The following USP38 variants were observed in gnomAD, a reference collection of about 807,000 sequenced individuals.
The protein encoded by USP38 is ubiquitin carboxyl-terminal hydrolase 38.
In USP38, 49 loss-of-function variants were observed where a neutral mutation model predicts 94.3. The ratio of observed to expected loss-of-function variants is 0.52; its 90% CI spans 0.41 to 0.66. The LOEUF (loss-of-function observed/expected upper bound fraction) is 0.66, where lower values mean the gene tolerates loss of function less well. Ranked by LOEUF, USP38 falls within the 30% of genes least tolerant of loss-of-function variation. USP38 has a pLI of 0.00. For missense variants in USP38, 1,128 were observed against 1,229.4 expected (o/e 0.92, Z 1.23); for synonymous variants, 468 against 463.6 (o/e 1.01, Z -0.12).
At chr4:143,205,941 T>G in intron 5 of USP38, 92 bp from the exon 6 acceptor site, 1 of 932,484 alleles carries the variant, frequency 1.1e-6, no homozygotes, top group Non-Finnish European at 1.5e-6. Flanking sequence ...CAAATGTCGG[T>G]GTAAGAATCT....
At chr4:143,196,030 G>T (rs1353437575) in intron 3 of USP38, among the ~76,000 whole-genome samples, 185 bp downstream of exon 3, 6 of 152,066 alleles carry the variant, frequency 3.9e-5, no homozygotes, top group Admixed American at 2.0e-4. Flanking sequence ...ATTAGGTTGG[G>T]CATGGTTGCT....
chr4:143,216,715 A>G (rs890301382), intron 9 of USP38, among the ~76,000 whole-genome samples: 2 of 152,054 alleles, frequency 1.3e-5, no homozygotes, highest in African/African-American at 2.4e-5. Context: ...GGCTCAAGCA[A>G]TCCTCCCTCC....
chr4:143,206,204 C>T lies in USP38; in HGVS notation c.1381C>T (p.Gln461Ter), dbSNP rs1377207653. Residue 461 changes from glutamine (Q) to a stop codon, truncating the protein, a stop_gained, in exon 6 of 10, where the codon CAA becomes TAA. Transcript: ENST00000307017. LOFTEE classifies it high-confidence loss of function. ...GNTCYMNSVI[Q>*]ALFMATDFRR... ...TACATGTTATATGAACAGTGTTATA[C>T]AAGCCTTGTTTATGGCCACAGAGTA... 3.1e-6 allele frequency: 5 copies of T among 1,598,920 alleles called. No homozygotes were observed. Among genetic ancestry groups the T allele is most frequent in the Non-Finnish European group, 4.3e-6 (5 of 1,174,740 alleles).
chr4:143,196,477 C>T (rs150648449), intron 3 of USP38, among the ~76,000 whole-genome samples: 110 of 152,254 alleles, frequency 7.2e-4, no homozygotes, highest in African/African-American at 2.6e-3. Context: ...TCTCAGGCCT[C>T]GTCTCATTTG....
In USP38 at chr4:143,185,370, C is replaced by A. The variant is rs1000578612; in HGVS notation, c.-81C>A. 12 of 1,458,162 alleles carry A rather than the reference C, an allele frequency of 8.2e-6. No homozygotes were observed. The highest frequency in any genetic ancestry group is 1.1e-5 in the Non-Finnish European group (12 of 1,093,372). 90.3% of individuals were successfully genotyped at this position (1,458,162 alleles called of 1,614,324 possible). On this transcript the variant is annotated 5_prime_UTR_variant, in exon 1 of 10. Transcript: ENST00000307017. ...CTGCGGCGCTCCAAGTTCATCTCCG[C>A]CCCGGGGCTCTCCTGCCCCACCTCG... is the stretch of plus-strand genomic sequence containing the variant.
chr4:143,189,610 CTTCT>C (rs1040858381), intron 2 of USP38, among the ~76,000 whole-genome samples: 2 of 151,966 alleles, frequency 1.3e-5, no homozygotes, highest in African/African-American at 2.4e-5. Context: ...TCTAGCGTTT[CTTCT>C]TTCTTTTTGT....
At chr4:143,204,530 C>A (rs889615230) in intron 5 of USP38, 2 of 397,726 alleles carry the variant, frequency 5.0e-6, no homozygotes, top group African/African-American at 4.3e-5. Context: ...GCTGGGACTC[C>A]AGGTGCACAC....
Position 143,221,248 on chromosome 4 carries a change from A to G in USP38, c.*792A>G, listed in dbSNP as rs1019907655. On this transcript the variant is annotated 3_prime_UTR_variant, in exon 10 of 10. Transcript: ENST00000307017. Reference sequence around the variant, plus strand: ...TGCAGTACTGTAATTCAAAAATAGGAATCTTTGGCTGCAAAATTTTAATGA... The same window carrying G: ...TGCAGTACTGTAATTCAAAAATAGGGATCTTTGGCTGCAAAATTTTAATGA... 3 of 152,530 alleles carry G rather than the reference A, an allele frequency of 2.0e-5. No individual in the cohort carries two copies. Among genetic ancestry groups the G allele is most frequent in the African/African-American group, 7.2e-5 (3 of 41,432 alleles). 9.4% of individuals were successfully genotyped at this position (152,530 alleles called of 1,614,324 possible).
In USP38 at chr4:143,206,104, T is replaced by G; in HGVS notation, c.1281T>G (p.Asn427Lys). Residue 427 changes from asparagine (N) to lysine (K), a missense_variant, in exon 6 of 10, where the codon AAT (asparagine) becomes AAG (lysine). Coordinates refer to ENST00000307017, the MANE Select transcript of USP38 (RefSeq NM_032557.6). ...AAAGTGCCTGGACTTCTCAATCCAATTCTTTGGCGTCTTGCTTGTCTAGAC... is the reference window on the plus strand; with the variant it reads ...AAAGTGCCTGGACTTCTCAATCCAAGTCTTTGGCGTCTTGCTTGTCTAGAC... ...LNQSAWTSQS[N>K]SLASCLSRLS... The G allele has an allele frequency of 6.2e-7, 1 of 1,613,770 alleles. No homozygotes were observed. Among genetic ancestry groups the G allele is most frequent in the Non-Finnish European group, 8.5e-7 (1 of 1,179,862 alleles).
chr4:143,219,636 A>T (rs1442769787), intron 9 of USP38, among the ~76,000 whole-genome samples: 1 of 151,962 alleles, frequency 6.6e-6, no homozygotes. Flanking sequence ...TATTTTGCAT[A>T]TTTTTCCAAA....
chr4:143,213,557 A>G (rs929914986), intron 8 of USP38, 24 bp from the exon 9 acceptor site: 11 of 1,556,072 alleles, frequency 7.1e-6, no homozygotes, highest in Admixed American at 2.1e-5. Flanking sequence ...TTAAGTAGCT[A>G]TATAATGATA....
At chr4:143,203,617 G>C (rs1223486447) in intron 5 of USP38, 51 bp downstream of exon 5, 4 of 1,534,578 alleles carry the variant, frequency 2.6e-6, no homozygotes, top group Non-Finnish European at 3.5e-6. Context: ...TATTAATAAG[G>C]TGAAACATTC....
intron 4 of USP38, among the ~76,000 whole-genome samples, chr4:143,201,508 A>G (rs1731714145): frequency 6.6e-6 from 1 of 152,218 alleles, no homozygotes; most frequent in Middle Eastern, 3.2e-3. Flanking sequence ...TAAATCACCT[A>G]TAACTCCAAA....
chr4:143,201,400 T>A (rs1731711104), intron 4 of USP38, among the ~76,000 whole-genome samples: 1 of 152,118 alleles, frequency 6.6e-6, no homozygotes, highest in Non-Finnish European at 1.5e-5. Context: ...TCCAAATTTC[T>A]AGGAAGGAGA....
chr4:143,197,829 A>G lies in USP38; in HGVS notation c.955A>G (p.Asn319Asp), dbSNP rs1455922383. 1 of 1,611,414 alleles carries G rather than the reference A, an allele frequency of 6.2e-7. No homozygotes were observed. Among genetic ancestry groups the G allele is most frequent in the South Asian group, 1.1e-5 (1 of 90,498 alleles). ...GTCTTGTCTTATTTTGAAGGTTTTT[A>G]ATCGACTTTGGTTTCCTCTTGTGAG... ...VTLLKIELVF[N>D]RLWFPLVRPG... The change falls in exon 4 of 10, where the codon AAT (asparagine) becomes GAT (aspartate). Residue 319 changes from asparagine to aspartate, a missense_variant. Asn to Asp is a conservative substitution (Grantham distance 23). Transcript: ENST00000307017.
rs1732098256 is a variant in USP38, at chr4:143,213,833, C to T, written c.1857C>T (p.Ala619=). Residue 619 remains alanine (A), a synonymous_variant, in exon 9 of 10, where the codon GCC becomes GCT. Coordinates refer to ENST00000307017, the MANE Select transcript of USP38 (RefSeq NM_032557.6). ...AAGCCTTTACAGATCTTTCGCTTGC[C>T]TTTTGTCCTTCCTCTTCTTTGGAAA... The part of the protein sequence containing the change: ...KVEAFTDLSL[A]FCPSSSLENM... 2 of 1,613,700 alleles carry T rather than the reference C, an allele frequency of 1.2e-6. No homozygotes were observed. The highest frequency in any genetic ancestry group is 1.7e-6 in the Non-Finnish European group (2 of 1,179,852).
chr4:143,211,384 A>G (rs62330292), intron 7 of USP38, among the ~76,000 whole-genome samples: 3,566 of 152,262 alleles, frequency 0.023, 65 homozygotes, highest in South Asian at 0.043. Flanking sequence ...TAATCATCAA[A>G]AACAGTCTGT....
rs1435459540 is a variant in USP38 at position 143,222,051 on chromosome 4, T to TTATC, written c.*1596_*1599dup. The TTATC allele has an allele frequency of 3.3e-5, 5 of 152,100 alleles. No individual in the cohort carries two copies. The highest frequency in any genetic ancestry group is 4.8e-5 in the African/African-American group (2 of 41,452). 9.4% of individuals were successfully genotyped at this position (152,100 alleles called of 1,614,324 possible). Reference sequence around the variant, plus strand: ...TTTCTGAGCTATCCTGTGTGTTCAGTTATCCACTTACTTGATAGCAACTTA... The same window carrying TTATC: ...TTTCTGAGCTATCCTGTGTGTTCAGTTATCTATCCACTTACTTGATAGCAACTTA... On this transcript the variant is annotated 3_prime_UTR_variant, in exon 10 of 10. Coordinates refer to ENST00000307017, the MANE Select transcript of USP38 (RefSeq NM_032557.6).
intron 6 of USP38, 39 bp downstream of exon 6, chr4:143,206,265 A>C (rs779231086): frequency 6.9e-7 from 1 of 1,453,704 alleles, no homozygotes; most frequent in Non-Finnish European, 9.3e-7. Flanking sequence ...TAACTGTAGA[A>C]GTTGATGCAT....
Sources: gnomAD v4.1 joint callset for allele counts (sites outside exome capture counted in the v4.1 genomes callset) on GRCh38, gnomAD v4.1.1 for gene constraint, MANE v1.5 for transcripts, NCBI Gene and HGNC (gene_info 2026-07-23, HGNC 2026-07-21) for gene names.